WDR36: variants seen among roughly 807,000 people sequenced by gnomAD.
WDR36 encodes WD repeat-containing protein 36.
A neutral mutation model predicts 112.7 loss-of-function variants in WDR36; 63 were observed. The ratio of observed to expected loss-of-function variants is 0.56; its 90% CI spans 0.46 to 0.69. The LOEUF (loss-of-function observed/expected upper bound fraction) is 0.69, where lower values mean the gene tolerates loss of function less well. Ranked by LOEUF, WDR36 falls within the 30% of genes least tolerant of loss-of-function variation. WDR36 has a pLI of 0.00. For missense variants in WDR36, 1,226 were observed against 1,070.3 expected, an observed-to-expected ratio of 1.15 and a Z score of -2.03; for synonymous variants, 410 against 362.2, an observed-to-expected ratio of 1.13 and a Z score of -1.50.
In WDR36 at chr5:111,104,619, T is replaced by C. The variant is rs74383673; in HGVS notation, c.907-78T>C. 3.0e-3 allele frequency: 4,784 copies of C among 1,602,904 alleles called. 119 individuals carry two copies. In the African/African-American group the frequency reaches 0.054, roughly 18 times the overall value. On this transcript the variant is annotated intron_variant, in intron 8 of 22. Coordinates refer to ENST00000513710, the MANE Select transcript of WDR36 (RefSeq NM_139281.3). ...GCAAGCACTACTCAATACCAGTTGA[T>C]TTATGTAGGGGGTGATTTGACTGCT...
intron 4 of WDR36, among the ~76,000 whole-genome samples, chr5:111,099,754 A>C (rs1455477541): frequency 2.6e-5 from 4 of 151,946 alleles, no homozygotes; most frequent in African/African-American, 9.7e-5. Flanking sequence ...ATAGCATTCA[A>C]AGTAAAGTTT....
In WDR36 at chr5:111,113,058, T is replaced by A. The variant is rs200029310; in HGVS notation, c.1717-16T>A. On this transcript the variant is annotated splice_polypyrimidine_tract_variant and intron_variant, in intron 15 of 22. Transcript: ENST00000513710. ...ATAATATATATATATATATATTTTT[T>A]TTTTTTAATTTAAAGGCTTTTAGTC... 23,667 of 743,796 alleles carry A rather than the reference T, an allele frequency of 0.032. 906 individuals carry two copies. Among genetic ancestry groups the A allele is most frequent in the East Asian group, 0.11 (2,344 of 20,408 alleles). The allele number at this position is 743,796 out of a possible 1,614,324, so 46.1% of individuals were successfully genotyped here. A position where few individuals can be genotyped will look rare whatever the true frequency, so the allele number is the denominator to read the frequency against.
At chr5:111,095,005 A>C in intron 2 of WDR36, 58 bp downstream of exon 2, 1 of 1,500,770 alleles carries the variant, frequency 6.7e-7, no homozygotes, top group Non-Finnish European at 9.1e-7. Flanking sequence ...TTATTTTGAC[A>C]TAAATGTGAG....
chr5:111,104,364 A>G lies in WDR36; in HGVS notation c.906+12A>G. ...ACAATGCTCTTAGGGTATTATGATTATTGTTAACATCTTCCTGGCTCATCT... is the reference window on the plus strand; with the variant it reads ...ACAATGCTCTTAGGGTATTATGATTGTTGTTAACATCTTCCTGGCTCATCT... On this transcript the variant is annotated intron_variant, in intron 8 of 22. Coordinates refer to ENST00000513710, the MANE Select transcript of WDR36 (RefSeq NM_139281.3). The G allele has an allele frequency of 6.2e-7, 1 of 1,611,578 alleles. No homozygotes were observed. The highest frequency in any genetic ancestry group is 8.5e-7 in the Non-Finnish European group (1 of 1,178,180).
At position 111,107,419 on chromosome 5, in the gene WDR36, A is replaced by G. The variant is rs1283399180; in HGVS notation, c.1306A>G (p.Lys436Glu). Reference sequence around the variant, plus strand: ...CTTTCTCAAGCCAAAAGAGTTGAAGAAAGATGACATAACTGCAACAGTAAG... The same window carrying G: ...CTTTCTCAAGCCAAAAGAGTTGAAGGAAGATGACATAACTGCAACAGTAAG... ...AYFLKPKELK[K>E]DDITATAVDI... is the part of the protein sequence containing the mutation. The change falls in exon 12 of 23, where the codon AAA becomes GAA. Residue 436 changes from lysine to glutamate, a missense_variant. Lys to Glu is a moderately conservative substitution (Grantham distance 56). Coordinates refer to ENST00000513710, the MANE Select transcript of WDR36 (RefSeq NM_139281.3). 1 of 1,610,096 alleles carries G rather than the reference A, an allele frequency of 6.2e-7. No individual in the cohort carries two copies. The highest frequency in any genetic ancestry group is 8.5e-7 in the Non-Finnish European group (1 of 1,177,398).
In WDR36 at chr5:111,103,872, G is replaced by A; in HGVS notation, c.684G>A (p.Lys228=). The change falls in exon 7 of 23, where the codon AAG becomes AAA. Residue 228 remains lysine, a synonymous_variant. Coordinates refer to ENST00000513710, the MANE Select transcript of WDR36 (RefSeq NM_139281.3). ...HNIKFNETLM[K]FRQDWGPITS... is the part of the protein sequence containing the mutation. Reference sequence around the variant, plus strand: ...TTAAATTTAATGAAACATTAATGAAGTTTCGTCAAGACTGGGGACCCATTA... The same window carrying A: ...TTAAATTTAATGAAACATTAATGAAATTTCGTCAAGACTGGGGACCCATTA... The A allele has an allele frequency of 1.9e-6, 3 of 1,611,356 alleles. No homozygotes were observed. Among genetic ancestry groups the A allele is most frequent in the South Asian group, 2.2e-5 (2 of 90,988 alleles).
chr5:111,125,002 A>G (rs1219470577), intron 21 of WDR36, among the ~76,000 whole-genome samples: 1 of 152,230 alleles, frequency 6.6e-6, no homozygotes, highest in Non-Finnish European at 1.5e-5. Context: ...CAAATGACTC[A>G]TAAAAATAGC....
In WDR36 at chr5:111,128,079, G is replaced by T; in HGVS notation, c.*1196G>T. 5.1e-6 allele frequency: 1 copy of T among 194,974 alleles called. No homozygotes were observed. Among genetic ancestry groups the T allele is most frequent in the East Asian group, 7.9e-5 (1 of 12,590 alleles). The allele number at this position is 194,974 out of a possible 1,614,324, so 12.1% of individuals were successfully genotyped here. On this transcript the variant is annotated 3_prime_UTR_variant, in exon 23 of 23. Transcript: ENST00000513710. ...TCATCATTGTTTTGTTTTTTTTATG[G>T]TTCAAGACTTTTGCAATACATGAAT...
Position 111,125,815 on chromosome 5 carries a change from GTA to G in WDR36, c.2538+21_2538+22del. 1 of 1,613,064 alleles carries G rather than the reference GTA, an allele frequency of 6.2e-7. No homozygotes were observed. Among genetic ancestry groups the G allele is most frequent in the East Asian group, 2.2e-5 (1 of 44,806 alleles). On this transcript the variant is annotated intron_variant, in intron 22 of 22. Transcript: ENST00000513710. ...CTAAAGGTAAGTCTAATGTAAGACA[GTA>G]CTGCCCAGCTTGTCTTCTTCTGGGG...
intron 12 of WDR36, 128 bp from the exon 13 acceptor site, chr5:111,110,061 T>C (rs1753295478): frequency 1.4e-6 from 1 of 693,628 alleles, no homozygotes; most frequent in Non-Finnish European, 2.6e-6. Context: ...AAAAAACTAA[T>C]GAAGCAATTC....
In WDR36 at chr5:111,104,827, T is replaced by C; in HGVS notation, c.1027+10T>C. The C allele has an allele frequency of 6.2e-7, 1 of 1,610,518 alleles. No individual in the cohort carries two copies. On this transcript the variant is annotated intron_variant, in intron 9 of 22. Coordinates refer to ENST00000513710, the MANE Select transcript of WDR36 (RefSeq NM_139281.3). The stretch of plus-strand genomic sequence containing the variant: ...CAGATTCTAAGTGCAAGTGAGCTTC[T>C]GCTTCATACTATTAGTTTATTTCAG...
chr5:111,129,937 T>C lies in WDR36; in HGVS notation c.*3054T>C. Reference sequence around the variant, plus strand: ...TGTTCAAAATTCATTTATTGAAAAGTCCACTCATATGTCTGATTTGAAATG... The same window carrying C: ...TGTTCAAAATTCATTTATTGAAAAGCCCACTCATATGTCTGATTTGAAATG... On this transcript the variant is annotated 3_prime_UTR_variant, in exon 23 of 23. Coordinates refer to ENST00000513710, the MANE Select transcript of WDR36 (RefSeq NM_139281.3). 1 of 210,368 alleles carries C rather than the reference T, an allele frequency of 4.8e-6. No individual in the cohort carries two copies. The highest frequency in any genetic ancestry group is 9.6e-6 in the Non-Finnish European group (1 of 103,658). 13.0% of individuals were successfully genotyped at this position (210,368 alleles called of 1,614,324 possible).
rs79876949 is a variant in WDR36 at position 111,125,362 on chromosome 5, G to A, written c.2351-246G>A. Among the ~76,000 whole-genome samples, 4,843 of 152,078 alleles carry A rather than the reference G, an allele frequency of 0.032. 261 individuals are homozygous for A. The highest frequency in any genetic ancestry group is 0.11 in the African/African-American group (4,642 of 41,462). ...AGGCATTAGATTTTCTTTATTAACAGGAAAAAGGTTTAAATTACAGAAAAA... is the reference window on the plus strand; with the variant it reads ...AGGCATTAGATTTTCTTTATTAACAAGAAAAAGGTTTAAATTACAGAAAAA... On this transcript the variant is annotated intron_variant, in intron 21 of 22. Transcript: ENST00000513710.
intron 16 of WDR36, among the ~76,000 whole-genome samples, chr5:111,115,810 C>T (rs1415724004): frequency 2.0e-5 from 3 of 152,006 alleles, no homozygotes; most frequent in African/African-American, 7.2e-5. Flanking sequence ...AGTGGTGAAA[C>T]ATTTTTTATG....
chr5:111,120,676 T>A, intron 18 of WDR36, 83 bp downstream of exon 18: 1 of 1,119,526 alleles, frequency 8.9e-7, no homozygotes, highest in African/African-American at 1.5e-5. Context: ...AGGCAAAGTT[T>A]AGTGCATTCA....
chr5:111,118,915 C>T, intron 16 of WDR36, 98 bp from the exon 17 acceptor site: 1 of 903,208 alleles, frequency 1.1e-6, no homozygotes, highest in South Asian at 1.4e-5. Flanking sequence ...ACATTTTCTG[C>T]ATCTCTTATC....
intron 1 of WDR36, among the ~76,000 whole-genome samples, chr5:111,093,994 C>T (rs1019605323): frequency 6.6e-6 from 1 of 151,846 alleles, no homozygotes; most frequent in African/African-American, 2.4e-5. Context: ...ATGCATTGGG[C>T]TGTGACCTCT....
chr5:111,126,084 T>C (rs900654453), intron 22 of WDR36, among the ~76,000 whole-genome samples: 3 of 152,304 alleles, frequency 2.0e-5, no homozygotes, highest in Middle Eastern at 3.4e-3. Flanking sequence ...TTTGTTTTTT[T>C]ACTCAACTGC....
chr5:111,098,801 C>T lies in WDR36; in HGVS notation c.371C>T (p.Thr124Ile). ...GGAGACCACATTATCTCTGTTGATA[C>T]TGATGGCATTCTTATTATTTGGCAC... ...PFGDHIISVD[T>I]DGILIIWHIY... is the part of the protein sequence containing the mutation. Residue 124 changes from threonine (T) to isoleucine (I), a missense_variant, in exon 4 of 23, where the codon ACT becomes ATT. Transcript: ENST00000513710. The T allele has an allele frequency of 6.2e-7, 1 of 1,612,054 alleles. No homozygotes were observed. The highest frequency in any genetic ancestry group is 1.1e-5 in the South Asian group (1 of 91,040).
Sources: gnomAD v4.1 joint callset for allele counts (sites outside exome capture counted in the v4.1 genomes callset) on GRCh38, gnomAD v4.1.1 for gene constraint, MANE v1.5 for transcripts, NCBI Gene and HGNC (gene_info 2026-07-23, HGNC 2026-07-21) for gene names.